Variants in KCNT2 observed in about 807,000 individuals in gnomAD.
KCNT2 encodes potassium channel subfamily T member 2.
A neutral mutation model predicts 153.8 loss-of-function variants in KCNT2; 67 were observed. The observed-to-expected ratio is 0.44, with a 90% CI of 0.36 to 0.53. The LOEUF is 0.53. Ranked by LOEUF, KCNT2 falls within the 20% of genes least tolerant of loss-of-function variation. KCNT2 has a pLI of 0.00. For missense variants in KCNT2, 975 were observed against 1,354.8 expected (o/e 0.72, Z 4.40); for synonymous variants, 500 against 458.8 (o/e 1.09, Z -1.15).
At chr1:196,487,627 A>C (rs1188911980) in intron 3 of KCNT2, among the ~76,000 whole-genome samples, 1 of 151,964 alleles carries the variant, frequency 6.6e-6, no homozygotes, top group Non-Finnish European at 1.5e-5. Flanking sequence ...AAAGAAGAAA[A>C]GGTCTGCATT....
intron 14 of KCNT2, among the ~76,000 whole-genome samples, chr1:196,365,294 T>G (rs779447441): frequency 3.3e-5 from 5 of 150,118 alleles, no homozygotes; most frequent in Non-Finnish European, 7.5e-5. Context: ...CAATAATTCT[T>G]TCTTCAATTC....
intron 1 of KCNT2, among the ~76,000 whole-genome samples, chr1:196,558,936 T>TCTTAATAAAACAAGTAATAG (rs993857636): frequency 1.3e-5 from 2 of 151,452 alleles, no homozygotes; most frequent in African/African-American, 4.8e-5. Context: ...ACAAGTAATA[T>TCTTAATAAAACAAGTAATAG]CTTAATAAAA....
At chr1:196,445,431 T>C (rs1230256474) in intron 8 of KCNT2, among the ~76,000 whole-genome samples, 1 of 151,418 alleles carries the variant, frequency 6.6e-6, no homozygotes, top group Non-Finnish European at 1.5e-5. Flanking sequence ...TTTTATTCTA[T>C]CAGAAATGGT....
chr1:196,581,365 A>G (rs1344509899), intron 1 of KCNT2, among the ~76,000 whole-genome samples: 1 of 152,154 alleles, frequency 6.6e-6, no homozygotes, highest in African/African-American at 2.4e-5. Context: ...GGACCAGTTT[A>G]GTAAAAAAAG....
intron 1 of KCNT2, among the ~76,000 whole-genome samples, chr1:196,605,326 T>C (rs1439753345): frequency 6.6e-6 from 1 of 152,144 alleles, no homozygotes; most frequent in Non-Finnish European, 1.5e-5. Context: ...CCAATAAAGC[T>C]TTCAGTATTA....
chr1:196,339,870 A>T (rs1180002437), intron 16 of KCNT2, among the ~76,000 whole-genome samples: 2 of 152,110 alleles, frequency 1.3e-5, no homozygotes, highest in Non-Finnish European at 2.9e-5. Flanking sequence ...AGATGGAAAG[A>T]GAATTTTGAG....
At chr1:196,383,087 T>C (rs1022445802) in intron 13 of KCNT2, among the ~76,000 whole-genome samples, 1 of 152,038 alleles carries the variant, frequency 6.6e-6, no homozygotes, top group Non-Finnish European at 1.5e-5. Context: ...TCAGGTTCCT[T>C]AGAGAGGGAA....
chr1:196,326,154 C>A (rs1490946887), intron 19 of KCNT2, among the ~76,000 whole-genome samples: 1 of 152,024 alleles, frequency 6.6e-6, no homozygotes, highest in Non-Finnish European at 1.5e-5. Flanking sequence ...TTTTGAATTG[C>A]TTAAGTAGTC....
At chr1:196,605,408 C>T (rs1366649667) in intron 1 of KCNT2, among the ~76,000 whole-genome samples, 1 of 152,078 alleles carries the variant, frequency 6.6e-6, no homozygotes, top group Non-Finnish European at 1.5e-5. Context: ...TCAGAATTCT[C>T]CAAGCTAAGG....
At chr1:196,599,053 C>T (rs1009345925) in intron 1 of KCNT2, among the ~76,000 whole-genome samples, 3 of 152,204 alleles carry the variant, frequency 2.0e-5, no homozygotes, top group African/African-American at 7.2e-5. Context: ...AATGTAATCA[C>T]CACATGGTGT....
chr1:196,377,123 G>A (rs1380146124), intron 13 of KCNT2, among the ~76,000 whole-genome samples: 3 of 151,954 alleles, frequency 2.0e-5, no homozygotes, highest in Admixed American at 2.0e-4. Context: ...GTAATGATAT[G>A]ATCTAAGTTA....
chr1:196,401,142 A>G (rs1000214494), intron 12 of KCNT2, among the ~76,000 whole-genome samples: 38 of 151,832 alleles, frequency 2.5e-4, no homozygotes, highest in Non-Finnish European at 5.2e-4. Flanking sequence ...CTGAGCTGAC[A>G]TTTGTGAAGC....
chr1:196,382,639 A>C (rs773061783), intron 13 of KCNT2, among the ~76,000 whole-genome samples: 3 of 152,134 alleles, frequency 2.0e-5, no homozygotes, highest in Non-Finnish European at 4.4e-5. Flanking sequence ...GAAATCCATC[A>C]ATTATAATAG....
intron 1 of KCNT2, among the ~76,000 whole-genome samples, chr1:196,532,445 A>G (rs1465897869): frequency 1.3e-5 from 2 of 152,056 alleles, no homozygotes; most frequent in Non-Finnish European, 2.9e-5. Context: ...CACTTGGGAC[A>G]TGAGTCTTAT....
At chr1:196,308,279 G>C (rs1233421977) in intron 21 of KCNT2, among the ~76,000 whole-genome samples, 1 of 151,948 alleles carries the variant, frequency 6.6e-6, no homozygotes, top group Admixed American at 6.6e-5. Context: ...GAACCCTCTT[G>C]TGTTTCCATC....
intron 1 of KCNT2, among the ~76,000 whole-genome samples, chr1:196,570,100 T>TAAAAAAAAAAAAAAAAAAAAA (rs1553256605): frequency 1.6e-4 from 21 of 129,528 alleles, no homozygotes; most frequent in African/African-American, 7.8e-4. Context: ...AAAAAAAAAT[T>TAAAAAAAAAAAAAAAAAAAAA]AAAGGCCTTT....
intron 8 of KCNT2, among the ~76,000 whole-genome samples, chr1:196,453,763 T>C (rs567261047): frequency 6.6e-6 from 1 of 152,110 alleles, no homozygotes; most frequent in Non-Finnish European, 1.5e-5. Context: ...TCTTTCCCTA[T>C]AGTTTTTATC....
intron 1 of KCNT2, among the ~76,000 whole-genome samples, chr1:196,600,056 C>T (rs764427791): frequency 6.6e-6 from 1 of 152,140 alleles, no homozygotes; most frequent in Non-Finnish European, 1.5e-5. Context: ...AATTATACTA[C>T]ATGTAAGACT....
At chr1:196,284,051 T>C (rs975147845) in intron 23 of KCNT2, among the ~76,000 whole-genome samples, 2 of 149,802 alleles carry the variant, frequency 1.3e-5, no homozygotes, top group African/African-American at 4.9e-5. Context: ...ACCAACATGG[T>C]GAAACCTCGT....
Sources: allele counts gnomAD v4.1 joint callset (sites outside exome capture counted in the v4.1 genomes callset), GRCh38; gene constraint gnomAD v4.1.1; transcripts MANE v1.5; gene names NCBI Gene and HGNC (gene_info 2026-07-23, HGNC 2026-07-21).